DCDC2: variants seen among roughly 807,000 people sequenced by gnomAD.
DCDC2 encodes the protein doublecortin domain-containing protein 2.
Under a neutral mutation model 50.2 loss-of-function variants are expected in DCDC2, and 40 were observed. The ratio of observed to expected loss-of-function variants is 0.80; its 90% CI spans 0.62 to 1.04. The LOEUF is 1.04. DCDC2 is among the 50% of genes least tolerant of loss of function. The probability of loss-of-function intolerance (pLI) is 0.00; values close to 1 mark genes in which losing one functional copy is unlikely to be tolerated. For missense variants in DCDC2, 570 were observed against 581.9 expected (o/e 0.98, Z 0.21); for synonymous variants, 234 against 210.6 (o/e 1.11, Z -0.96).
intron 7 of DCDC2, among the ~76,000 whole-genome samples, chr6:24,236,836 C>G (rs1277253978): frequency 6.6e-6 from 1 of 152,024 alleles, no homozygotes; most frequent in Non-Finnish European, 1.5e-5. Flanking sequence ...ATGGTAAAAC[C>G]CCATCTCTAC....
chr6:24,306,523 TAGATAGATAGATAGATAGATAGACAGAC>T (rs1165356242), intron 2 of DCDC2, among the ~76,000 whole-genome samples: 5 of 139,318 alleles, frequency 3.6e-5, no homozygotes, highest in Non-Finnish European at 1.5e-5. Flanking sequence ...GATAGATAGA[TAGATAGATAGATAGATAGATAGACAGAC>T]AGACAGACAG....
intron 8 of DCDC2, among the ~76,000 whole-genome samples, chr6:24,180,443 C>T (rs1289640302): frequency 6.6e-6 from 1 of 152,026 alleles, no homozygotes; most frequent in Non-Finnish European, 1.5e-5. Context: ...CGCCACCACG[C>T]CCGGCTAAAT....
chr6:24,204,084 C>A (rs1318539760), intron 8 of DCDC2, among the ~76,000 whole-genome samples: 3 of 152,094 alleles, frequency 2.0e-5, no homozygotes, highest in South Asian at 2.1e-4. Flanking sequence ...TGTGGCGATA[C>A]CTCAAGGATC....
chr6:24,260,658 T>G lies in DCDC2; in HGVS notation c.922+17391A>C, dbSNP rs376685558. On this transcript the variant is annotated intron_variant, in intron 7 of 9. Transcript: ENST00000378454. ...TGAGGCTTGCTCAGAAAATAAAAAT[T>G]TCTAAGATGTGAACTCATCCATCTA... Among the ~76,000 whole-genome samples the G allele has an allele frequency of 5.9e-5, 9 of 152,336 alleles. No individual in the cohort carries two copies. The East Asian group carries it at 1.7e-3, about 29-fold the overall frequency.
At chr6:24,290,428 A>G (rs183238583) in intron 5 of DCDC2, among the ~76,000 whole-genome samples, 125 of 152,328 alleles carry the variant, frequency 8.2e-4, no homozygotes, top group Non-Finnish European at 1.6e-3. Flanking sequence ...AAAATTTTAC[A>G]TGAATTAACT....
chr6:24,262,188 G>A (rs147627363), intron 7 of DCDC2, among the ~76,000 whole-genome samples: 1 of 150,076 alleles, frequency 6.7e-6, no homozygotes, highest in Admixed American at 6.7e-5. Context: ...GGGAGGGAGA[G>A]CACAGTAATT....
chr6:24,315,802 G>C (rs888157428), intron 2 of DCDC2, among the ~76,000 whole-genome samples: 1 of 152,114 alleles, frequency 6.6e-6, no homozygotes. Flanking sequence ...CTCCACTGCA[G>C]ATTTTTATAA....
intron 4 of DCDC2, among the ~76,000 whole-genome samples, chr6:24,294,669 A>ATTTTT (rs1763823637): frequency 6.6e-6 from 1 of 152,160 alleles, no homozygotes; most frequent in Admixed American, 6.5e-5. Flanking sequence ...AAATAAAAAT[A>ATTTTT]ACCATCAGAA....
chr6:24,288,947 T>A, intron 5 of DCDC2, 41 bp from the exon 6 acceptor site: 1 of 1,467,620 alleles, frequency 6.8e-7, no homozygotes, highest in Non-Finnish European at 9.4e-7. Context: ...GAATGTTGTT[T>A]ACAAATAATG....
intron 9 of DCDC2, among the ~76,000 whole-genome samples, chr6:24,176,095 C>G (rs1466135658): frequency 1.3e-5 from 2 of 151,936 alleles, no homozygotes; most frequent in African/African-American, 4.8e-5. Flanking sequence ...GAGTTAAAAA[C>G]CAGCCTGTGC....
In DCDC2 at chr6:24,247,709, G is replaced by A. The variant is rs151057166; in HGVS notation, c.922+30340C>T. ...TTGAAAGGGGAGCAGTTTGGAATAT[G>A]GGTATAGCAACAGAGTATGGAGGCA... On this transcript the variant is annotated intron_variant, in intron 7 of 9. Transcript: ENST00000378454. Among the ~76,000 whole-genome samples, 429 of 152,268 alleles carry A rather than the reference G, an allele frequency of 2.8e-3. 2 individuals are homozygous for A. The highest frequency in any genetic ancestry group is 9.3e-3 in the African/African-American group (388 of 41,558).
intron 4 of DCDC2, among the ~76,000 whole-genome samples, chr6:24,295,840 A>G (rs1299477162): frequency 1.3e-5 from 2 of 152,208 alleles, no homozygotes; most frequent in Non-Finnish European, 2.9e-5. Flanking sequence ...ACAAACAGGA[A>G]AAAACAGCCC....
intron 1 of DCDC2, chr6:24,356,769 G>A (rs1049333945): frequency 6.6e-6 from 1 of 152,132 alleles, no homozygotes; most frequent in Non-Finnish European, 1.5e-5. Context: ...CTGAACTGAC[G>A]GTTTCTTAAT....
At chr6:24,330,134 C>A (rs1034854494) in intron 2 of DCDC2, among the ~76,000 whole-genome samples, 3 of 152,136 alleles carry the variant, frequency 2.0e-5, no homozygotes, top group Non-Finnish European at 4.4e-5. Flanking sequence ...CCCCAATTAG[C>A]AATAACCAAA....
At chr6:24,256,368 G>T (rs1356056120) in intron 7 of DCDC2, among the ~76,000 whole-genome samples, 1 of 147,708 alleles carries the variant, frequency 6.8e-6, no homozygotes, top group East Asian at 2.0e-4. Context: ...GCACTCTTTT[G>T]TATGTACATT....
At chr6:24,200,379 C>T (rs913028254) in intron 8 of DCDC2, among the ~76,000 whole-genome samples, 3 of 152,198 alleles carry the variant, frequency 2.0e-5, no homozygotes, top group African/African-American at 7.2e-5. Context: ...AAAGAATTTT[C>T]AACCCAGATT....
intron 4 of DCDC2, among the ~76,000 whole-genome samples, chr6:24,295,948 C>A (rs556431656): frequency 6.6e-6 from 1 of 152,152 alleles, no homozygotes; most frequent in Non-Finnish European, 1.5e-5. Flanking sequence ...CTACCATTAA[C>A]ATTCTTCACA....
At chr6:24,250,164 A>C (rs1226885625) in intron 7 of DCDC2, among the ~76,000 whole-genome samples, 1 of 152,182 alleles carries the variant, frequency 6.6e-6, no homozygotes, top group Non-Finnish European at 1.5e-5. Flanking sequence ...AGAGGTAGGC[A>C]GTGAGTGGTA....
intron 2 of DCDC2, among the ~76,000 whole-genome samples, chr6:24,333,759 A>AGAATG (rs1461049579): frequency 6.6e-6 from 1 of 152,206 alleles, no homozygotes; most frequent in African/African-American, 2.4e-5. Flanking sequence ...AATATAAAAC[A>AGAATG]GAATGCAAAA....
Sources: gnomAD v4.1 joint callset for allele counts (sites outside exome capture counted in the v4.1 genomes callset) on GRCh38, gnomAD v4.1.1 for gene constraint, MANE v1.5 for transcripts, NCBI Gene and HGNC (gene_info 2026-07-23, HGNC 2026-07-21) for gene names.